Variants in UBA2 observed in about 807,000 individuals in gnomAD.
UBA2 encodes the protein SUMO-activating enzyme subunit 2.
Under a neutral mutation model 77.2 loss-of-function variants are expected in UBA2, and 11 were observed. The observed-to-expected ratio is 0.14, with a 90% CI of 0.09 to 0.24. The LOEUF is 0.24. UBA2 is among the 10% of genes least tolerant of loss of function. The pLI is 1.00. For synonymous variants in UBA2, 278 were observed against 276.7 expected, an observed-to-expected ratio of 1.00 and a Z score of -0.05; for missense variants, 487 against 781.7, an observed-to-expected ratio of 0.62 and a Z score of 4.50.
Position 34,457,330 on chromosome 19 carries a change from G to T in UBA2, c.1246-1439G>T, listed in dbSNP as rs938986105. On this transcript the variant is annotated intron_variant, in intron 12 of 16. Transcript: ENST00000246548. ...TGCATTAAGCCGAGATCGCGCCATTGCACTCCAGCCTGGCAACAAGAGCGA... is the reference window on the plus strand; with the variant it reads ...TGCATTAAGCCGAGATCGCGCCATTTCACTCCAGCCTGGCAACAAGAGCGA... 9.9e-5 allele frequency among the ~76,000 whole-genome samples: 15 copies of T among 151,004 alleles called. No homozygotes were observed. The South Asian group carries it at 3.1e-3, about 32-fold the overall frequency.
In UBA2 at chr19:34,443,850, G is replaced by A. The variant is rs377324716; in HGVS notation, c.588G>A (p.Leu196=). ...IVWAKYLFNQ[L]FGEEDADQEV... ...TACTATTCTTAAATTATAGCCAGTT[G>A]TTTGGGGAAGAAGATGCTGATCAAG... Residue 196 remains leucine, a synonymous_variant, in exon 7 of 17, where the codon TTG becomes TTA. Transcript: ENST00000246548. The A allele has an allele frequency of 2.5e-6, 4 of 1,602,336 alleles. No individual in the cohort carries two copies. In the African/African-American group the frequency reaches 4.0e-5, roughly 16 times the overall value.
intron 6 of UBA2, among the ~76,000 whole-genome samples, chr19:34,439,926 T>C (rs1026741850): frequency 2.0e-5 from 3 of 152,020 alleles, no homozygotes; most frequent in Non-Finnish European, 2.9e-5. Flanking sequence ...AAACGGGGAA[T>C]ACAGATAGCA....
chr19:34,458,682 G>A, intron 12 of UBA2, 87 bp from the exon 13 acceptor site: 2 of 1,161,638 alleles, frequency 1.7e-6, no homozygotes, highest in South Asian at 2.4e-5. Context: ...ATTTTTTATT[G>A]GATATCTGGT....
intron 3 of UBA2, among the ~76,000 whole-genome samples, chr19:34,432,877 G>GT (rs146253134): frequency 0.096 from 14,577 of 152,116 alleles, 1,149 homozygotes; most frequent in African/African-American, 0.21. Context: ...TTGTTTTTTA[G>GT]TTTTTTACTC....
rs2075209558 is a variant in UBA2 at position 34,428,410 on chromosome 19, C to T, written c.-23C>T. On this transcript the variant is annotated 5_prime_UTR_variant, in exon 1 of 17. Transcript: ENST00000246548. ...CTCGGTTCTCCCGCCTCCGCCTCCG[C>T]CGCGGCTCGTGGTTGTCCCGCCATG... 6.4e-6 allele frequency: 8 copies of T among 1,244,240 alleles called. No homozygotes were observed. Among genetic ancestry groups the T allele is most frequent in the African/African-American group, 1.5e-5 (1 of 65,028 alleles). The allele number at this position is 1,244,240 out of a possible 1,614,324, so 77.1% of individuals were successfully genotyped here.
At chr19:34,445,596 G>A (rs1462217413) in intron 8 of UBA2, among the ~76,000 whole-genome samples, 1 of 151,956 alleles carries the variant, frequency 6.6e-6, no homozygotes, top group Non-Finnish European at 1.5e-5. Flanking sequence ...GTACCATCAG[G>A]CCTGGCTAAT....
chr19:34,449,633 AAC>A (rs1412925453), intron 8 of UBA2, among the ~76,000 whole-genome samples: 9 of 152,222 alleles, frequency 5.9e-5, no homozygotes, highest in Non-Finnish European at 1.3e-4. Context: ...TTGAAGTTCT[AAC>A]ACATCTTTTC....
chr19:34,428,728 C>A (rs575484019), intron 1 of UBA2, 158 bp downstream of exon 1: 84 of 1,151,472 alleles, frequency 7.3e-5, no homozygotes, highest in Admixed American at 2.2e-4. Flanking sequence ...GTGCCCCCCC[C>A]GCGGGAGGAG....
Position 34,469,253 on chromosome 19 carries a change from T to G in UBA2, c.*32T>G, listed in dbSNP as rs372890700. 2.0e-6 allele frequency: 3 copies of G among 1,506,602 alleles called. No homozygotes were observed. Among genetic ancestry groups the G allele is most frequent in the Non-Finnish European group, 2.6e-6 (3 of 1,133,076 alleles). 93.3% of individuals were successfully genotyped at this position (1,506,602 alleles called of 1,614,324 possible). On this transcript the variant is annotated 3_prime_UTR_variant, in exon 17 of 17. Coordinates refer to ENST00000246548, the MANE Select transcript of UBA2 (RefSeq NM_005499.3). ...ATGCCTCTAAACAGAACCCTCTTAC[T>G]ATTTAGTTTATCTGGGCAGAACCAG...
chr19:34,445,164 GT>G, intron 8 of UBA2, 43 bp downstream of exon 8: 1 of 1,565,856 alleles, frequency 6.4e-7, no homozygotes, highest in Non-Finnish European at 8.7e-7. Flanking sequence ...ATGTATTGTT[GT>G]GCATAGATGT....
chr19:34,443,431 C>G (rs2075391427), intron 6 of UBA2, among the ~76,000 whole-genome samples: 1 of 148,190 alleles, frequency 6.7e-6, no homozygotes, highest in African/African-American at 2.5e-5. Context: ...AGTCATTTAT[C>G]CGTTATTCAC....
At chr19:34,454,187 A>G (rs1277696804) in intron 10 of UBA2, 73 bp from the exon 11 acceptor site, 3 of 1,286,858 alleles carry the variant, frequency 2.3e-6, no homozygotes, top group Non-Finnish European at 3.3e-6. Context: ...ACGTGAAAGT[A>G]TTGTTCTGAA....
chr19:34,441,667 T>G (rs1055642601), intron 6 of UBA2, among the ~76,000 whole-genome samples: 1 of 151,934 alleles, frequency 6.6e-6, no homozygotes, highest in African/African-American at 2.4e-5. Context: ...TTGGCAAACA[T>G]TTTTTTTCTT....
intron 6 of UBA2, among the ~76,000 whole-genome samples, chr19:34,442,135 T>A (rs990805253): frequency 2.6e-5 from 4 of 152,098 alleles, no homozygotes; most frequent in African/African-American, 9.7e-5. Flanking sequence ...CTTGGGAGGC[T>A]GAGGTGAGAG....
chr19:34,465,434 C>G (rs1282748708), intron 15 of UBA2, among the ~76,000 whole-genome samples: 1 of 151,908 alleles, frequency 6.6e-6, no homozygotes, highest in Non-Finnish European at 1.5e-5. Context: ...GTCAGGAGTT[C>G]AAGACCAGCC....
intron 16 of UBA2, among the ~76,000 whole-genome samples, 182 bp from the exon 17 acceptor site, chr19:34,468,858 T>C (rs2075712916): frequency 1.3e-5 from 2 of 152,324 alleles, no homozygotes; most frequent in South Asian, 4.1e-4. Flanking sequence ...AGAAAATAAA[T>C]AGGTTCTTAT....
At chr19:34,442,950 C>G (rs2075386584) in intron 6 of UBA2, among the ~76,000 whole-genome samples, 1 of 152,136 alleles carries the variant, frequency 6.6e-6, no homozygotes, top group African/African-American at 2.4e-5. Flanking sequence ...AGATAACTTT[C>G]ATTAATCATA....
At chr19:34,453,300 G>C (rs1276120119) in intron 10 of UBA2, among the ~76,000 whole-genome samples, 1 of 152,102 alleles carries the variant, frequency 6.6e-6, no homozygotes, top group African/African-American at 2.4e-5. Flanking sequence ...TTTTAGACCA[G>C]GGTGATATCT....
intron 1 of UBA2, chr19:34,428,871 C>T (rs1224011412): frequency 6.6e-6 from 7 of 1,063,820 alleles, no homozygotes; most frequent in Middle Eastern, 4.2e-4. Flanking sequence ...TCTTATCCTC[C>T]CTTCAAAACA....
Sources: gnomAD v4.1 joint callset for allele counts (sites outside exome capture counted in the v4.1 genomes callset) on GRCh38, gnomAD v4.1.1 for gene constraint, MANE v1.5 for transcripts, NCBI Gene and HGNC (gene_info 2026-07-23, HGNC 2026-07-21) for gene names.